Variants in NPLOC4 observed in about 807,000 individuals in gnomAD.
NPLOC4 encodes nuclear protein localization protein 4 homolog.
A neutral mutation model predicts 80.6 loss-of-function variants in NPLOC4; 18 were observed. The observed-to-expected ratio is 0.22, with a 90% confidence interval of 0.15 to 0.33. The LOEUF is 0.33. Ranked by LOEUF, NPLOC4 falls within the 10% of genes least tolerant of loss-of-function variation. The pLI is 1.00. For synonymous variants in NPLOC4, 313 were observed against 301.5 expected (o/e 1.04, Z -0.39); for missense variants, 540 against 786.1 (o/e 0.69, Z 3.74).
chr17:81,632,783 G>A (rs944424292), intron 1 of NPLOC4, among the ~76,000 whole-genome samples: 7 of 152,108 alleles, frequency 4.6e-5, no homozygotes, highest in African/African-American at 2.4e-5. Context: ...TCAGTCTACT[G>A]GGATTTGTCC....
At chr17:81,620,559 G>A (rs2035637547) in intron 3 of NPLOC4, among the ~76,000 whole-genome samples, 2 of 152,248 alleles carry the variant, frequency 1.3e-5, no homozygotes, top group East Asian at 3.9e-4. Flanking sequence ...TTCTGCAGTG[G>A]CTGCCAATGC....
chr17:81,589,738 C>T (rs1039657562), intron 11 of NPLOC4, among the ~76,000 whole-genome samples: 7 of 151,512 alleles, frequency 4.6e-5, no homozygotes, highest in African/African-American at 1.7e-4. Flanking sequence ...CAGATTACGC[C>T]TGTAATCTGA....
Position 81,604,540 on chromosome 17 carries a change from A to G in NPLOC4, c.834+8T>C. ...GAAACTCAGGAACTTGAATCCCGTC[A>G]TGTTTACCTGAGGTGGCTCATAAAT... is the stretch of plus-strand genomic sequence containing the variant. On this transcript the variant is annotated splice_region_variant and intron_variant, in intron 8 of 16. Coordinates refer to ENST00000331134, the MANE Select transcript of NPLOC4 (RefSeq NM_017921.4). The G allele has an allele frequency of 1.9e-6, 3 of 1,609,896 alleles. No homozygotes were observed. Among genetic ancestry groups the G allele is most frequent in the Non-Finnish European group, 2.5e-6 (3 of 1,178,234 alleles).
At chr17:81,636,182 G>T (rs2036067029) in intron 1 of NPLOC4, among the ~76,000 whole-genome samples, 1 of 152,092 alleles carries the variant, frequency 6.6e-6, no homozygotes, top group Non-Finnish European at 1.5e-5. Context: ...TGTTGGCCAG[G>T]ATGGTCTCGA....
chr17:81,592,997 AAAAAT>A (rs1413413574), intron 11 of NPLOC4, among the ~76,000 whole-genome samples: 2 of 152,214 alleles, frequency 1.3e-5, no homozygotes, highest in Non-Finnish European at 2.9e-5. Context: ...AATTAAAAAT[AAAAAT>A]AAAAGATCCT....
intron 2 of NPLOC4, among the ~76,000 whole-genome samples, chr17:81,627,927 C>A (rs878920313): frequency 1.3e-5 from 2 of 151,592 alleles, no homozygotes; most frequent in Non-Finnish European, 2.9e-5. Context: ...CAGAAAAAGA[C>A]TCCATCTCAA....
At chr17:81,623,487 A>G (rs1330090537) in intron 2 of NPLOC4, among the ~76,000 whole-genome samples, 2 of 120,598 alleles carry the variant, frequency 1.7e-5, no homozygotes, top group Non-Finnish European at 3.5e-5. Flanking sequence ...AAAAAAAAGC[A>G]AAACTCTGTC....
Position 81,606,817 on chromosome 17 carries a change from A to G in NPLOC4, c.531-3T>C. 3 of 1,592,162 alleles carry G rather than the reference A, an allele frequency of 1.9e-6. No homozygotes were observed. Among genetic ancestry groups the G allele is most frequent in the Non-Finnish European group, 2.6e-6 (3 of 1,168,438 alleles). ...TCTCCAGGGCAACAAACTTCCCCCTACATAGAAGAGAAGCAACTTAAACAT... is the reference window on the plus strand; with the variant it reads ...TCTCCAGGGCAACAAACTTCCCCCTGCATAGAAGAGAAGCAACTTAAACAT... On this transcript the variant is annotated splice_polypyrimidine_tract_variant and splice_region_variant and intron_variant, in intron 6 of 16. Transcript: ENST00000331134.
chr17:81,593,057 A>G (rs2034793836), intron 11 of NPLOC4, among the ~76,000 whole-genome samples: 1 of 152,210 alleles, frequency 6.6e-6, no homozygotes, highest in Non-Finnish European at 1.5e-5. Flanking sequence ...ACACTGAAAT[A>G]CTGTGGAACT....
intron 11 of NPLOC4, among the ~76,000 whole-genome samples, chr17:81,591,459 A>C (rs911663368): frequency 1.4e-4 from 21 of 150,290 alleles, no homozygotes; most frequent in African/African-American, 1.9e-4. Context: ...AAAAAAAAAA[A>C]AAAAAAAAAA....
At chr17:81,578,575 A>G (rs2034360763) in intron 12 of NPLOC4, among the ~76,000 whole-genome samples, 1 of 152,208 alleles carries the variant, frequency 6.6e-6, no homozygotes, top group African/African-American at 2.4e-5. Flanking sequence ...GGAAACTTAC[A>G]AGCATGACAG....
rs1482269137 is a variant in NPLOC4 at position 81,589,208 on chromosome 17, A to G, written c.1121-104T>C. 4 of 1,056,446 alleles carry G rather than the reference A, an allele frequency of 3.8e-6. No individual in the cohort carries two copies. In the African/African-American group the frequency reaches 4.8e-5, roughly 13 times the overall value. The allele number at this position is 1,056,446 out of a possible 1,614,324, so 65.4% of individuals were successfully genotyped here. On this transcript the variant is annotated intron_variant, in intron 11 of 16. Transcript: ENST00000331134. ...GATCAACAGAAAAAACAAACCCTCAAGAGTTTGTCGGGGGTAAGAGTTAAA... is the reference window on the plus strand; with the variant it reads ...GATCAACAGAAAAAACAAACCCTCAGGAGTTTGTCGGGGGTAAGAGTTAAA...
chr17:81,597,083 A>G (rs762138196), intron 10 of NPLOC4, among the ~76,000 whole-genome samples, 162 bp downstream of exon 10: 1 of 152,144 alleles, frequency 6.6e-6, no homozygotes, highest in East Asian at 1.9e-4. Flanking sequence ...ACTGCACTCC[A>G]GCCTGGGCAA....
rs62074747 is a variant in NPLOC4, at chr17:81,635,325, T to C, written c.15+1591A>G. Among the ~76,000 whole-genome samples the C allele has an allele frequency of 4.9e-3, 651 of 131,566 alleles. 5 individuals are homozygous for C. Among genetic ancestry groups the C allele is most frequent in the Middle Eastern group, 9.6e-3 (2 of 208 alleles). 86.3% of individuals were successfully genotyped at this position (131,566 alleles called of 152,430 possible). A position where few individuals can be genotyped will look rare whatever the true frequency, so the allele number is the denominator to read the frequency against. ...CTGAACTCCAGCCTGGGCGACAGAG[T>C]GAGACTCCATCTCAAAAAAATAAAA... On this transcript the variant is annotated intron_variant, in intron 1 of 16. Coordinates refer to ENST00000331134, the MANE Select transcript of NPLOC4 (RefSeq NM_017921.4).
Position 81,585,203 on chromosome 17 carries a change from G to C in NPLOC4, c.1281+3741C>G, listed in dbSNP as rs573629520. Among the ~76,000 whole-genome samples the C allele has an allele frequency of 3.3e-3, 471 of 142,320 alleles. 1 individual carries two copies. Among genetic ancestry groups the C allele is most frequent in the Non-Finnish European group, 5.5e-3 (367 of 66,350 alleles). The allele number at this position is 142,320 out of a possible 152,430, so 93.4% of individuals were successfully genotyped here. A position where few individuals can be genotyped will look rare whatever the true frequency, so the allele number is the denominator to read the frequency against. ...AAAAAAAAAAAAAAAAAAGAGTATG[G>C]TATTAGTTCTGGTTTAGGAAAACTG... On this transcript the variant is annotated intron_variant, in intron 12 of 16. Coordinates refer to ENST00000331134, the MANE Select transcript of NPLOC4 (RefSeq NM_017921.4).
intron 16 of NPLOC4, chr17:81,564,773 A>G (rs1446559263): frequency 2.0e-5 from 3 of 147,184 alleles, no homozygotes; most frequent in Non-Finnish European, 4.4e-5. Context: ...GGGTGACAAG[A>G]GCCAAACTCC....
Position 81,607,066 on chromosome 17 carries a change from G to T in NPLOC4, c.531-252C>A, listed in dbSNP as rs116104407. On this transcript the variant is annotated intron_variant, in intron 6 of 16. Transcript: ENST00000331134. ...CACACAACTACTTTCCTACCAAACTGTGGTGTTTTTTACCATCTATCACTA... is the reference window on the plus strand; with the variant it reads ...CACACAACTACTTTCCTACCAAACTTTGGTGTTTTTTACCATCTATCACTA... Among the ~76,000 whole-genome samples the T allele has an allele frequency of 6.5e-3, 987 of 152,254 alleles. 11 individuals carry two copies. Among genetic ancestry groups the T allele is most frequent in the African/African-American group, 0.021 (873 of 41,544 alleles).
chr17:81,614,965 G>C (rs1215628733), intron 3 of NPLOC4, among the ~76,000 whole-genome samples: 1 of 152,186 alleles, frequency 6.6e-6, no homozygotes, highest in Non-Finnish European at 1.5e-5. Flanking sequence ...AGAGGCCAAA[G>C]TGCAGGCCCT....
chr17:81,604,620 T>C lies in NPLOC4; in HGVS notation c.762A>G (p.Gly254=), dbSNP rs778145634. The part of the protein sequence containing the change: ...TGNQHFGYLY[G]RYTEHKDIPL... Reference sequence around the variant, plus strand: ...GAATGTCTTTGTGCTCCGTGTACCGTCCGTATAAGTACCCAAAATGCTGGT... The same window carrying C: ...GAATGTCTTTGTGCTCCGTGTACCGCCCGTATAAGTACCCAAAATGCTGGT... The change falls in exon 8 of 17, where the codon GGA becomes GGG. Residue 254 remains glycine (G), a synonymous_variant. Coordinates refer to ENST00000331134, the MANE Select transcript of NPLOC4 (RefSeq NM_017921.4). 6.2e-7 allele frequency: 1 copy of C among 1,613,856 alleles called. No individual in the cohort carries two copies. The highest frequency in any genetic ancestry group is 1.1e-5 in the South Asian group (1 of 91,056).
Sources: allele counts gnomAD v4.1 joint callset (sites outside exome capture counted in the v4.1 genomes callset), GRCh38; gene constraint gnomAD v4.1.1; transcripts MANE v1.5; gene names NCBI Gene and HGNC (gene_info 2026-07-23, HGNC 2026-07-21).